The following VDR variants were observed in gnomAD, a reference collection of about 807,000 sequenced individuals.
VDR encodes vitamin D receptor.
In VDR, 19 loss-of-function variants were observed where a neutral mutation model predicts 39.7. That is an observed-to-expected ratio of 0.48 (90% CI 0.33 to 0.70). The LOEUF (loss-of-function observed/expected upper bound fraction) is 0.70. VDR is among the 30% of genes least tolerant of loss of function. The probability of loss-of-function intolerance (pLI) is 0.02; values close to 1 mark genes in which losing one functional copy is unlikely to be tolerated. For missense variants in VDR, 442 were observed against 570.5 expected (o/e 0.77, Z 2.29); for synonymous variants, 242 against 215.8 (o/e 1.12, Z -1.07).
intron 7 of VDR, among the ~76,000 whole-genome samples, chr12:47,851,865 A>C (rs372915749): frequency 5.9e-5 from 9 of 152,366 alleles, no homozygotes; most frequent in Middle Eastern, 3.4e-3. Flanking sequence ...CCCATTTTGC[A>C]TCAATGGCTG....
intron 1 of VDR, among the ~76,000 whole-genome samples, chr12:47,894,192 A>G (rs1946422007): frequency 6.6e-6 from 1 of 152,140 alleles, no homozygotes; most frequent in Non-Finnish European, 1.5e-5. Flanking sequence ...GAGGAGCTAA[A>G]CTCAGGGTCC....
Position 47,859,095 on chromosome 12 carries a change from G to A in VDR, c.278-1407C>T, listed in dbSNP as rs898275756. ...CTACCAGGTCAGGCAGGGTGGGAGA[G>A]GAAGGGGCAGGGAGCATCCAGGGAA... On this transcript the variant is annotated intron_variant, in intron 4 of 9. Transcript: ENST00000549336. Among the ~76,000 whole-genome samples, 12 of 152,348 alleles carry A rather than the reference G, an allele frequency of 7.9e-5. No homozygotes were observed. In the East Asian group the frequency reaches 2.3e-3, roughly 29 times the overall value.
intron 3 of VDR, among the ~76,000 whole-genome samples, chr12:47,871,334 C>CTTTCTTTCTTTCTTTCTTTCTTTATTTCT (rs1945867785): frequency 6.9e-6 from 1 of 145,334 alleles, no homozygotes; most frequent in African/African-American, 2.5e-5. Context: ...TTCTTTCTTT[C>CTTTCTTTCTTTCTTTCTTTCTTTATTTCT]TTTCTTTCTT....
At chr12:47,872,657 G>T (rs773760718) in intron 3 of VDR, among the ~76,000 whole-genome samples, 17 of 152,160 alleles carry the variant, frequency 1.1e-4, no homozygotes, top group Non-Finnish European at 2.9e-5. Context: ...CTCTCTCAGA[G>T]CCCCTGGCCC....
Position 47,892,709 on chromosome 12 carries a change from G to A in VDR, c.-83-9935C>T, listed in dbSNP as rs187073177. On this transcript the variant is annotated intron_variant, in intron 1 of 9. Transcript: ENST00000549336. ...GTCCTCTAGGAGCTTACAGTCTACC[G>A]CGGGTTGGGGGGTGGGGATGGGGGA... Among the ~76,000 whole-genome samples the A allele has an allele frequency of 2.2e-3, 341 of 152,186 alleles. 1 individual carries two copies. The highest frequency in any genetic ancestry group is 3.4e-3 in the Middle Eastern group (1 of 294).
At chr12:47,855,417 G>A (rs958531955) in intron 7 of VDR, among the ~76,000 whole-genome samples, 77 of 152,158 alleles carry the variant, frequency 5.1e-4, no homozygotes, top group Non-Finnish European at 9.1e-4. Flanking sequence ...CTACTTGGGA[G>A]GTTGAGGCAG....
chr12:47,888,540 A>C (rs1946304336), intron 1 of VDR, among the ~76,000 whole-genome samples: 2 of 152,142 alleles, frequency 1.3e-5, no homozygotes, highest in South Asian at 4.1e-4. Context: ...GCTTTTTTCC[A>C]ATGGAAACTC....
At chr12:47,902,902 A>G (rs999920295) in intron 1 of VDR, among the ~76,000 whole-genome samples, 2 of 152,190 alleles carry the variant, frequency 1.3e-5, no homozygotes, top group African/African-American at 4.8e-5. Context: ...GACACCTGCT[A>G]TCTGTTCTGG....
At position 47,886,232 on chromosome 12, in the gene VDR, C is replaced by G. The variant is rs984675606; in HGVS notation, c.-83-3458G>C. Among the ~76,000 whole-genome samples, 2 of 152,256 alleles carry G rather than the reference C, an allele frequency of 1.3e-5. 1 individual carries two copies. The highest frequency in any genetic ancestry group is 1.3e-4 in the Admixed American group (2 of 15,292). The stretch of plus-strand genomic sequence containing the variant: ...GAAGATATGCCTGTGTGTCCGCCAG[C>G]CACAACCGCACATGTACTTGTGCGT... On this transcript the variant is annotated intron_variant, in intron 1 of 9. Coordinates refer to ENST00000549336, the MANE Select transcript of VDR (RefSeq NM_000376.3).
intron 3 of VDR, 73 bp from the exon 4 acceptor site, chr12:47,865,250 G>A: frequency 3.1e-6 from 5 of 1,593,194 alleles, no homozygotes; most frequent in Non-Finnish European, 4.3e-6. Flanking sequence ...ACGGAGACCT[G>A]TCTTCTGGGC....
chr12:47,886,623 C>T (rs1365516928), intron 1 of VDR, among the ~76,000 whole-genome samples: 2 of 152,196 alleles, frequency 1.3e-5, no homozygotes, highest in East Asian at 1.9e-4. Flanking sequence ...TGTGTAAGAA[C>T]GATTGGAAAT....
chr12:47,860,689 C>T (rs1471196643), intron 4 of VDR, among the ~76,000 whole-genome samples: 1 of 152,124 alleles, frequency 6.6e-6, no homozygotes, highest in Non-Finnish European at 1.5e-5. Flanking sequence ...CATGGCTTGG[C>T]GTGCTGGGCT....
intron 3 of VDR, among the ~76,000 whole-genome samples, chr12:47,870,739 T>A (rs1265391285): frequency 1.3e-5 from 2 of 152,098 alleles, no homozygotes; most frequent in African/African-American, 4.8e-5. Flanking sequence ...CTGGGCTCCA[T>A]CTCCACTGCA....
At chr12:47,870,874 T>C (rs1001178544) in intron 3 of VDR, among the ~76,000 whole-genome samples, 3 of 152,206 alleles carry the variant, frequency 2.0e-5, no homozygotes, top group African/African-American at 7.2e-5. Flanking sequence ...ACAATGTATA[T>C]GTATAGCAGA....
chr12:47,875,475 T>G (rs1945981193), intron 3 of VDR, among the ~76,000 whole-genome samples: 1 of 152,192 alleles, frequency 6.6e-6, no homozygotes, highest in South Asian at 2.1e-4. Context: ...GACATTGTCC[T>G]TGCTTCCTGG....
At chr12:47,893,938 T>G (rs1946416735) in intron 1 of VDR, among the ~76,000 whole-genome samples, 1 of 152,236 alleles carries the variant, frequency 6.6e-6, no homozygotes, top group South Asian at 2.1e-4. Context: ...ATAACCCTCT[T>G]GGTTCAACGT....
chr12:47,845,644 G>T (rs1945265286), intron 9 of VDR, among the ~76,000 whole-genome samples: 1 of 152,068 alleles, frequency 6.6e-6, no homozygotes, highest in South Asian at 2.1e-4. Flanking sequence ...TACCTAATAG[G>T]TGCTCAATAA....
intron 3 of VDR, among the ~76,000 whole-genome samples, chr12:47,877,390 G>A (rs1946029535): frequency 6.6e-6 from 1 of 152,152 alleles, no homozygotes; most frequent in Non-Finnish European, 1.5e-5. Flanking sequence ...GTTTTTCAAA[G>A]CACTTTTTTA....
At chr12:47,876,877 C>T (rs981960964) in intron 3 of VDR, among the ~76,000 whole-genome samples, 3 of 152,226 alleles carry the variant, frequency 2.0e-5, no homozygotes, top group Non-Finnish European at 4.4e-5. Flanking sequence ...CACCACCCAA[C>T]CAGCTGCCAC....
Sources: gnomAD v4.1 joint callset for allele counts (sites outside exome capture counted in the v4.1 genomes callset) on GRCh38, gnomAD v4.1.1 for gene constraint, MANE v1.5 for transcripts, NCBI Gene and HGNC (gene_info 2026-07-23, HGNC 2026-07-21) for gene names.